The following SCLY variants were observed in gnomAD, a reference collection of about 807,000 sequenced individuals.
SCLY encodes the protein selenocysteine lyase, also known as putative selenocysteine lyase.
In SCLY, 38 loss-of-function variants were observed where a neutral mutation model predicts 50.1. The ratio of observed to expected loss-of-function variants is 0.76; its 90% CI spans 0.59 to 0.99. The LOEUF is 0.99. SCLY is among the 50% of genes least tolerant of loss of function. The probability of loss-of-function intolerance (pLI) is 0.00; values close to 1 mark genes in which losing one functional copy is unlikely to be tolerated. For missense variants in SCLY, 600 were observed against 620.0 expected, an observed-to-expected ratio of 0.97 and a Z score of 0.34; for synonymous variants, 243 against 249.4, an observed-to-expected ratio of 0.97 and a Z score of 0.24.
At chr2:238,089,630 A>AT (rs544432437) in intron 7 of SCLY, among the ~76,000 whole-genome samples, 6,254 of 132,272 alleles carry the variant, frequency 0.047, 256 homozygotes, top group African/African-American at 0.12. Flanking sequence ...TAAAACATTG[A>AT]TTTTTTTTTT....
intron 1 of SCLY, among the ~76,000 whole-genome samples, chr2:238,061,974 C>A (rs1424972320): frequency 6.6e-6 from 1 of 152,172 alleles, no homozygotes; most frequent in Non-Finnish European, 1.5e-5. Context: ...GCCTAAAGCA[C>A]ACACATTTGG....
At chr2:238,082,424 G>C (rs377097156) in intron 6 of SCLY, among the ~76,000 whole-genome samples, 2 of 152,206 alleles carry the variant, frequency 1.3e-5, no homozygotes, top group African/African-American at 4.8e-5. Context: ...GATGGGGGGG[G>C]TGCCCAGCCC....
chr2:238,098,632 TGGGACCGCCCACATGGGACCGC>T lies in SCLY; in HGVS notation c.*278_*299del, dbSNP rs1691334653. On this transcript the variant is annotated 3_prime_UTR_variant, in exon 12 of 12. Coordinates refer to ENST00000254663, the MANE Select transcript of SCLY (RefSeq NM_016510.7). ...GACCGCCCACATGGGACCGCCCACA[TGGGACCGCCCACATGGGACCGC>T]CCACATAGAACCGTCCTCCAGTGGT... The T allele has an allele frequency of 1.4e-5, 5 of 352,994 alleles. No homozygotes were observed. The highest frequency in any genetic ancestry group is 1.1e-4 in the African/African-American group (5 of 44,516). 21.9% of individuals were successfully genotyped at this position (352,994 alleles called of 1,614,324 possible). A position where few individuals can be genotyped will look rare whatever the true frequency, so the allele number is the denominator to read the frequency against.
chr2:238,088,189 TG>T (rs2065320549), intron 7 of SCLY, among the ~76,000 whole-genome samples: 3 of 151,974 alleles, frequency 2.0e-5, no homozygotes, highest in African/African-American at 4.8e-5. Flanking sequence ...GAGCCGGGAG[TG>T]GTAGCTCATG....
intron 10 of SCLY, 65 bp downstream of exon 10, chr2:238,094,587 T>G: frequency 7.4e-7 from 1 of 1,351,176 alleles, no homozygotes; most frequent in Non-Finnish European, 1.1e-6. Context: ...TGGATTCTGG[T>G]CCGAGCCAGT....
intron 2 of SCLY, among the ~76,000 whole-genome samples, chr2:238,065,273 T>C (rs987094915): frequency 1.3e-5 from 2 of 152,256 alleles, no homozygotes; most frequent in Non-Finnish European, 2.9e-5. Flanking sequence ...CATTAACTTA[T>C]TTGTTGGCTT....
chr2:238,082,736 G>A lies in SCLY; in HGVS notation c.778-512G>A, dbSNP rs115494858. Reference sequence around the variant, plus strand: ...TCTTTCTGGCAGCTTACCAGGGCCCGAGATATTTTTAGTACTCAATTTTGA... The same window carrying A: ...TCTTTCTGGCAGCTTACCAGGGCCCAAGATATTTTTAGTACTCAATTTTGA... On this transcript the variant is annotated intron_variant, in intron 6 of 11. Coordinates refer to ENST00000254663, the MANE Select transcript of SCLY (RefSeq NM_016510.7). 774 of 179,428 alleles carry A rather than the reference G, an allele frequency of 4.3e-3. 7 individuals carry two copies. The highest frequency in any genetic ancestry group is 0.017 in the African/African-American group (713 of 42,390). The allele number at this position is 179,428 out of a possible 1,614,324, so 11.1% of individuals were successfully genotyped here.
At chr2:238,068,408 G>A (rs1237093078) in intron 3 of SCLY, among the ~76,000 whole-genome samples, 2 of 152,000 alleles carry the variant, frequency 1.3e-5, no homozygotes, top group Non-Finnish European at 2.9e-5. Context: ...AATTAGCTGG[G>A]CGTGGTGGTG....
At chr2:238,095,163 T>C (rs2065415147) in intron 10 of SCLY, among the ~76,000 whole-genome samples, 1 of 152,184 alleles carries the variant, frequency 6.6e-6, no homozygotes. Context: ...GCCACTGCAC[T>C]CCAGCTTGGG....
In SCLY at chr2:238,094,464, A is replaced by G. The variant is rs2065403909; in HGVS notation, c.1050A>G (p.Pro350=). ...GAATCCATCTGAATAGCCAGTTTCC[A>G]GGCACCCAGCGGCTTCCCAATACCT... The part of the protein sequence containing the change: ...QKRIHLNSQF[P]GTQRLPNTCN... Residue 350 remains proline, a synonymous_variant, in exon 10 of 12, where the codon CCA becomes CCG. Transcript: ENST00000254663. The G allele has an allele frequency of 1.9e-6, 3 of 1,614,092 alleles. No homozygotes were observed. In the African/African-American group the frequency reaches 4.0e-5, roughly 22 times the overall value.
chr2:238,086,611 G>A (rs2106450069), intron 7 of SCLY, among the ~76,000 whole-genome samples: 1 of 150,790 alleles, frequency 6.6e-6, no homozygotes, highest in African/African-American at 2.4e-5. Context: ...GAGGCTGAGG[G>A]GGAAGGATCA....
At chr2:238,093,993 A>C (rs779969769) in intron 9 of SCLY, 49 bp downstream of exon 9, 1 of 1,527,866 alleles carries the variant, frequency 6.5e-7, no homozygotes, top group Non-Finnish European at 9.0e-7. Flanking sequence ...TGCGTGGGGC[A>C]GGTGCCCAGA....
At position 238,096,845 on chromosome 2, in the gene SCLY, G is replaced by A; in HGVS notation, c.1153G>A (p.Gly385Arg). 2 of 1,612,532 alleles carry A rather than the reference G, an allele frequency of 1.2e-6. No individual in the cohort carries two copies. The highest frequency in any genetic ancestry group is 1.7e-6 in the Non-Finnish European group (2 of 1,179,624). The part of the protein sequence containing the change: ...AQCRVLMASV[G>R]AACHSDHGDQ... ...GTGCCGAGTGCTGATGGCCAGTGTG[G>A]GGGCCGCGTGCCACTCGGACCACGG... The change falls in exon 11 of 12, where the codon GGG becomes AGG. Residue 385 changes from glycine to arginine, a missense_variant. Coordinates refer to ENST00000254663, the MANE Select transcript of SCLY (RefSeq NM_016510.7).
chr2:238,067,983 CT>C lies in SCLY; in HGVS notation c.203-79del, dbSNP rs2065088024. The C allele has an allele frequency of 9.7e-7, 1 of 1,032,512 alleles. No homozygotes were observed. Among genetic ancestry groups the C allele is most frequent in the East Asian group, 2.4e-5 (1 of 40,894 alleles). The allele number at this position is 1,032,512 out of a possible 1,614,324, so 64.0% of individuals were successfully genotyped here. A position where few individuals can be genotyped will look rare whatever the true frequency, so the allele number is the denominator to read the frequency against. The stretch of plus-strand genomic sequence containing the variant: ...AACGGCCCACGCAGACCTCTTATTC[CT>C]TTGTATTTGGTTGTCCTTTTAGATG... On this transcript the variant is annotated intron_variant, in intron 2 of 11. Transcript: ENST00000254663. This position sits in a 1 kb window ranked among gnomAD's most constrained non-coding sequence, Gnocchi z 4.3.
intron 4 of SCLY, among the ~76,000 whole-genome samples, chr2:238,071,659 A>G (rs1354158987): frequency 1.3e-5 from 2 of 152,204 alleles, no homozygotes; most frequent in African/African-American, 4.8e-5. Flanking sequence ...AAACCTCTGC[A>G]GCAGCAACCA....
chr2:238,061,206 G>A (rs1470260141), intron 1 of SCLY, 63 bp downstream of exon 1: 30 of 1,256,614 alleles, frequency 2.4e-5, no homozygotes, highest in Non-Finnish European at 5.6e-6. Context: ...TCCCGCGCGG[G>A]AGGACGAAGG....
At chr2:238,070,169 G>A (rs2065114226) in intron 4 of SCLY, among the ~76,000 whole-genome samples, 1 of 152,228 alleles carries the variant, frequency 6.6e-6, no homozygotes, top group African/African-American at 2.4e-5. Flanking sequence ...TCCCAAAAGG[G>A]AGTGACATGT....
At chr2:238,076,238 T>C (rs1022689132) in intron 4 of SCLY, among the ~76,000 whole-genome samples, 1 of 152,012 alleles carries the variant, frequency 6.6e-6, no homozygotes, top group Non-Finnish European at 1.5e-5. Context: ...ATTACAGACA[T>C]GCACCACCAC....
chr2:238,088,352 C>T (rs1455425258), intron 7 of SCLY, among the ~76,000 whole-genome samples: 1 of 152,106 alleles, frequency 6.6e-6, no homozygotes, highest in Non-Finnish European at 1.5e-5. Flanking sequence ...ATCCCAGCTA[C>T]TTGGAAGGCT....
Sources: gnomAD v4.1 joint callset for allele counts (sites outside exome capture counted in the v4.1 genomes callset) on GRCh38, gnomAD v4.1.1 for gene constraint, Gnocchi (gnomAD v3.1) non-coding constraint, MANE v1.5 for transcripts, NCBI Gene and HGNC (gene_info 2026-07-23, HGNC 2026-07-21) for gene names.